The following SPMIP4 variants were observed in gnomAD, a reference collection of about 807,000 sequenced individuals.
SPMIP4 encodes the protein sperm microtubule inner protein 4.
chr7:25,138,427 T>G, the SPMIP4 span, among the ~76,000 whole-genome samples: 1 of 152,158 alleles, frequency 6.6e-6, no homozygotes, highest in Non-Finnish European at 1.5e-5. The surrounding 1 kb of genome is among the most constrained non-coding windows in gnomAD (Gnocchi z 6.2). Context: ...GATAGAGTCT[T>G]GTTATGTTGC....
chr7:25,175,614 T>C, the SPMIP4 span, among the ~76,000 whole-genome samples: 3 of 152,212 alleles, frequency 2.0e-5, no homozygotes, highest in African/African-American at 7.2e-5. Flanking sequence ...TCCCTTTAAG[T>C]ACATCTGTGT....
chr7:25,151,352 G>A, the SPMIP4 span, among the ~76,000 whole-genome samples: 1 of 151,790 alleles, frequency 6.6e-6, no homozygotes, highest in African/African-American at 2.4e-5. Context: ...CTCCCGAGTA[G>A]CTAGGACTAC....
At chr7:25,133,354 C>T in the SPMIP4 span, among the ~76,000 whole-genome samples, 1 of 152,152 alleles carries the variant, frequency 6.6e-6, no homozygotes, top group Non-Finnish European at 1.5e-5. Context: ...CAGTTTTGTA[C>T]ACTTTGTGTT....
chr7:25,172,628 G>GA, the SPMIP4 span, among the ~76,000 whole-genome samples: 1 of 152,108 alleles, frequency 6.6e-6, no homozygotes. This position sits in a 1 kb window ranked among gnomAD's most constrained non-coding sequence, Gnocchi z 4.2. Context: ...GTTTTAAGTG[G>GA]AACCAGGAAC....
At chr7:25,172,896 G>C in the SPMIP4 span, among the ~76,000 whole-genome samples, 1 of 151,202 alleles carries the variant, frequency 6.6e-6, no homozygotes, top group Non-Finnish European at 1.5e-5. The surrounding 1 kb of genome is among the most constrained non-coding windows in gnomAD (Gnocchi z 4.2). Context: ...AACAAGGACA[G>C]TATCCTGTGG....
At chr7:25,168,850 C>T in the SPMIP4 span, among the ~76,000 whole-genome samples, 9 of 151,040 alleles carry the variant, frequency 6.0e-5, no homozygotes, top group African/African-American at 1.7e-4. Context: ...CTCAGCCTCC[C>T]GAGTAGCTGA....
the SPMIP4 span, among the ~76,000 whole-genome samples, chr7:25,132,284 AGGTGG>A: frequency 1.3e-5 from 2 of 152,346 alleles, no homozygotes; most frequent in Non-Finnish European, 2.9e-5. This position sits in a 1 kb window ranked among gnomAD's most constrained non-coding sequence, Gnocchi z 5.0. Flanking sequence ...CCATGTTTAA[AGGTGG>A]AAGGGGTCAC....
At chr7:25,148,618 G>A in the SPMIP4 span, among the ~76,000 whole-genome samples, 5 of 151,968 alleles carry the variant, frequency 3.3e-5, no homozygotes, top group Non-Finnish European at 7.4e-5. Flanking sequence ...GAGGTTACAG[G>A]CATGCCCCAC....
chr7:25,160,838 A>G, the SPMIP4 span, among the ~76,000 whole-genome samples: 1 of 152,224 alleles, frequency 6.6e-6, no homozygotes, highest in Non-Finnish European at 1.5e-5. Flanking sequence ...GAGGGCCACT[A>G]TGGCATTTTC....
the SPMIP4 span, chr7:25,154,911 T>C: frequency 8.8e-7 from 1 of 1,133,508 alleles, no homozygotes; most frequent in Non-Finnish European, 1.3e-6. Context: ...GAGTCACACA[T>C]TTGTGACTTG....
At chr7:25,142,528 TTAAA>T in the SPMIP4 span, 1 of 1,007,204 alleles carries the variant, frequency 9.9e-7, no homozygotes, top group Non-Finnish European at 1.4e-6. Context: ...ACTTTAGGAT[TTAAA>T]TACTTTGAGA....
the SPMIP4 span, among the ~76,000 whole-genome samples, chr7:25,178,010 C>T: frequency 6.6e-6 from 1 of 152,166 alleles, no homozygotes; most frequent in Non-Finnish European, 1.5e-5. Context: ...TTCTTTGTCT[C>T]CATGTGTACT....
chr7:25,127,651 A>G, the SPMIP4 span, among the ~76,000 whole-genome samples: 1 of 152,116 alleles, frequency 6.6e-6, no homozygotes. Flanking sequence ...CTCTGTTTGA[A>G]AAGTCACATA....
chr7:25,159,638 T>C, the SPMIP4 span, among the ~76,000 whole-genome samples: 2 of 152,222 alleles, frequency 1.3e-5, no homozygotes, highest in African/African-American at 2.4e-5. Context: ...GAAAGTGGCA[T>C]GTAAGCCATA....
the SPMIP4 span, chr7:25,180,031 C>T: frequency 1.3e-5 from 2 of 152,244 alleles, no homozygotes; most frequent in Non-Finnish European, 2.9e-5. Context: ...CCGCAGCTGG[C>T]GGCCTTCGCG....
the SPMIP4 span, among the ~76,000 whole-genome samples, chr7:25,172,299 G>T: frequency 6.6e-6 from 1 of 152,186 alleles, no homozygotes; most frequent in Non-Finnish European, 1.5e-5. This position sits in a 1 kb window ranked among gnomAD's most constrained non-coding sequence, Gnocchi z 4.2. Flanking sequence ...GTTTGCTCTT[G>T]AAAGAGGGAG....
At chr7:25,135,620 C>T in the SPMIP4 span, 1 of 862,846 alleles carries the variant, frequency 1.2e-6, no homozygotes, top group Non-Finnish European at 1.4e-6. Context: ...GAGTTCTTTC[C>T]AGCTTTTCAA....
the SPMIP4 span, among the ~76,000 whole-genome samples, chr7:25,157,473 T>C: frequency 6.6e-6 from 1 of 152,156 alleles, no homozygotes; most frequent in South Asian, 2.1e-4. Context: ...CAGTCAGGGT[T>C]AACATCACCA....
the SPMIP4 span, among the ~76,000 whole-genome samples, chr7:25,137,975 C>T: frequency 6.6e-6 from 1 of 152,090 alleles, no homozygotes; most frequent in African/African-American, 2.4e-5. Flanking sequence ...CTAGACTTTC[C>T]ATTTTAGGAG....
Sources: gnomAD v4.1 joint callset for allele counts (sites outside exome capture counted in the v4.1 genomes callset) on GRCh38, gnomAD v4.1.1 for gene constraint, Gnocchi (gnomAD v3.1) non-coding constraint, MANE v1.5 for transcripts, NCBI Gene and HGNC (gene_info 2026-07-23, HGNC 2026-07-21) for gene names.